Variants in TMEM266 observed in about 807,000 individuals in gnomAD.
TMEM266 encodes Hv1 related protein 1.
In TMEM266, 33 loss-of-function variants were observed where a neutral mutation model predicts 50.5. That is an observed-to-expected ratio of 0.65 (90% CI 0.50 to 0.87). TMEM266 has a LOEUF of 0.87. Among genes scored for constraint, TMEM266 ranks in the 40% least tolerant of loss-of-function variants. The probability of loss-of-function intolerance (pLI) is 0.00; values close to 1 mark genes in which losing one functional copy is unlikely to be tolerated. For missense variants in TMEM266, 655 were observed against 695.1 expected, an observed-to-expected ratio of 0.94 and a Z score of 0.65; for synonymous variants, 310 against 292.3, an observed-to-expected ratio of 1.06 and a Z score of -0.62.
chr15:76,077,117 A>C (rs891610254), intron 1 of TMEM266, among the ~76,000 whole-genome samples: 12 of 151,874 alleles, frequency 7.9e-5, no homozygotes, highest in Admixed American at 7.9e-4. Flanking sequence ...GGTGCATGCC[A>C]CCACACCTGG....
At chr15:76,109,559 G>A (rs1450488649) in intron 1 of TMEM266, among the ~76,000 whole-genome samples, 1 of 152,222 alleles carries the variant, frequency 6.6e-6, no homozygotes, top group East Asian at 1.9e-4. Flanking sequence ...CAACATGGGA[G>A]GCTGAGGCAG....
intron 1 of TMEM266, among the ~76,000 whole-genome samples, chr15:76,104,125 G>T (rs2142005586): frequency 6.6e-6 from 1 of 151,738 alleles, no homozygotes; most frequent in South Asian, 2.1e-4. Flanking sequence ...GAGAATAGCG[G>T]GAACCCAGGA....
intron 1 of TMEM266, among the ~76,000 whole-genome samples, chr15:76,095,667 C>T (rs1456493175): frequency 2.0e-4 from 30 of 151,948 alleles, no homozygotes; most frequent in South Asian, 4.2e-4. Context: ...TTCTATTGAT[C>T]GGAATAGTTT....
chr15:76,102,854 A>T (rs1004733544), intron 1 of TMEM266, among the ~76,000 whole-genome samples: 4 of 151,676 alleles, frequency 2.6e-5, no homozygotes, highest in Admixed American at 2.6e-4. Context: ...AAAAAAAAAA[A>T]AAAAAACGGA....
At chr15:76,184,406 T>C (rs568045607) in intron 8 of TMEM266, among the ~76,000 whole-genome samples, 4 of 152,162 alleles carry the variant, frequency 2.6e-5, no homozygotes, top group Admixed American at 1.3e-4. Context: ...TCACAGTGGA[T>C]GGAAAGGGGC....
chr15:76,203,836 A>G lies in TMEM266; in HGVS notation c.1117A>G (p.Met373Val), dbSNP rs1195846111. The stretch of plus-strand genomic sequence containing the variant: ...CTCCTCGGACCTCTTCTCTCTGGAC[A>G]TGCCCCTCAAACTCGGCGGTAATGG... Residue 373 changes from methionine to valine, a missense_variant, in exon 11 of 11, where the codon ATG becomes GTG. Transcript: ENST00000388942. The G allele has an allele frequency of 1.2e-6, 2 of 1,614,184 alleles. No individual in the cohort carries two copies. The highest frequency in any genetic ancestry group is 1.7e-6 in the Non-Finnish European group (2 of 1,180,022).
chr15:76,088,174 A>G (rs1413589789), intron 1 of TMEM266, among the ~76,000 whole-genome samples: 1 of 152,132 alleles, frequency 6.6e-6, no homozygotes, highest in Non-Finnish European at 1.5e-5. Context: ...GGTTAGACCT[A>G]TGCTAGGTGC....
In TMEM266 at chr15:76,201,237, C is replaced by A. The variant is rs118016334; in HGVS notation, c.959-965C>A. 1.6e-3 allele frequency among the ~76,000 whole-genome samples: 250 copies of A among 152,246 alleles called. 5 individuals carry two copies. The East Asian group carries it at 0.044, about 27-fold the overall frequency. On this transcript the variant is annotated intron_variant, in intron 9 of 10. Coordinates refer to ENST00000388942, the MANE Select transcript of TMEM266 (RefSeq NM_152335.3). ...GACCAAGTTCAGACCATCCTGTGGC[C>A]CCTCACTGCCTCGCTGCCCTTGGAA...
At position 76,137,860 on chromosome 15, in the gene TMEM266, C is replaced by G; in HGVS notation, c.192C>G (p.Leu64=). ...ATCTCTCCACGGCGGGCTCGCAGCT[C>G]CTGTCAAATCTGGACGAAGATTACC... The change falls in exon 3 of 11, where the codon CTC becomes CTG. Residue 64 remains leucine, a synonymous_variant. Transcript: ENST00000388942. The G allele has an allele frequency of 1.3e-6, 2 of 1,598,780 alleles. No homozygotes were observed. Among genetic ancestry groups the G allele is most frequent in the Non-Finnish European group, 1.7e-6 (2 of 1,172,830 alleles).
intron 1 of TMEM266, among the ~76,000 whole-genome samples, chr15:76,130,115 G>T (rs1356909171): frequency 6.6e-6 from 1 of 150,676 alleles, no homozygotes; most frequent in African/African-American, 2.4e-5. Flanking sequence ...GCTACTCTGG[G>T]GGCTGATGGT....
intron 6 of TMEM266, 129 bp downstream of exon 6, chr15:76,170,001 G>A (rs1160611887): frequency 8.5e-6 from 8 of 937,410 alleles, no homozygotes; most frequent in Non-Finnish European, 1.3e-5. Context: ...GACCTCTGTG[G>A]CTGTGCATGT....
chr15:76,183,779 A>G (rs2038455314), intron 8 of TMEM266, among the ~76,000 whole-genome samples: 1 of 152,208 alleles, frequency 6.6e-6, no homozygotes, highest in African/African-American at 2.4e-5. Context: ...GTTTTCCTGA[A>G]GAAACAAGAT....
chr15:76,202,746 ACGC>A (rs1424968692), intron 10 of TMEM266, among the ~76,000 whole-genome samples: 1 of 152,118 alleles, frequency 6.6e-6, no homozygotes, highest in African/African-American at 2.4e-5. Context: ...TTTTAAAATA[ACGC>A]TGAGGCCTTG....
At chr15:76,083,199 C>T (rs1241709618) in intron 1 of TMEM266, among the ~76,000 whole-genome samples, 2 of 150,754 alleles carry the variant, frequency 1.3e-5, no homozygotes, top group Non-Finnish European at 2.9e-5. Flanking sequence ...GGTGCAATGA[C>T]AAGCAATGGG....
chr15:76,198,436 A>G (rs2038688821), intron 9 of TMEM266, among the ~76,000 whole-genome samples: 2 of 152,186 alleles, frequency 1.3e-5, no homozygotes, highest in African/African-American at 4.8e-5. Flanking sequence ...TGAGGCCAAC[A>G]GTGTGGCCCA....
chr15:76,144,429 G>T (rs1454998493), intron 3 of TMEM266, among the ~76,000 whole-genome samples: 1 of 152,138 alleles, frequency 6.6e-6, no homozygotes, highest in Non-Finnish European at 1.5e-5. Context: ...CAGTGCCCAT[G>T]AAGCTACTGC....
At chr15:76,141,518 C>T (rs372322175) in intron 3 of TMEM266, among the ~76,000 whole-genome samples, 6 of 152,082 alleles carry the variant, frequency 3.9e-5, no homozygotes, top group East Asian at 1.9e-4. Context: ...GGATTACAGG[C>T]GTGAGCCACA....
intron 8 of TMEM266, among the ~76,000 whole-genome samples, chr15:76,185,434 T>G (rs2038478529): frequency 6.6e-6 from 1 of 152,248 alleles, no homozygotes; most frequent in African/African-American, 2.4e-5. Context: ...CTACTCAATT[T>G]CAGATACTGT....
chr15:76,191,093 C>T (rs1300875604), intron 8 of TMEM266, among the ~76,000 whole-genome samples: 3 of 152,232 alleles, frequency 2.0e-5, no homozygotes, highest in Admixed American at 2.0e-4. Flanking sequence ...TTCCAAGAAG[C>T]TTTCCCCAAC....
Sources: gnomAD v4.1 joint callset for allele counts (sites outside exome capture counted in the v4.1 genomes callset) on GRCh38, gnomAD v4.1.1 for gene constraint, MANE v1.5 for transcripts, NCBI Gene and HGNC (gene_info 2026-07-23, HGNC 2026-07-21) for gene names.